LMBRD1: variants seen among roughly 807,000 people sequenced by gnomAD.
LMBRD1 encodes LMBR1 domain containing 1.
A neutral mutation model predicts 74.8 loss-of-function variants in LMBRD1; 64 were observed. The ratio of observed to expected loss-of-function variants is 0.86; its 90% CI spans 0.70 to 1.05. LMBRD1 has a LOEUF of 1.05. LMBRD1 is among the 50% of genes least tolerant of loss of function. The pLI, the probability that LMBRD1 is intolerant of heterozygous loss-of-function variation, is 0.00. For missense variants in LMBRD1, 652 were observed against 645.9 expected (o/e 1.01, Z -0.10); for synonymous variants, 204 against 216.3 (o/e 0.94, Z 0.50).
chr6:69,695,416 C>G (rs1296247978), intron 14 of LMBRD1, among the ~76,000 whole-genome samples: 1 of 152,066 alleles, frequency 6.6e-6, no homozygotes, highest in Non-Finnish European at 1.5e-5. Flanking sequence ...TCTTCTCACT[C>G]TCTACCCTCT....
At chr6:69,677,722 T>TG (rs1255096930) in intron 14 of LMBRD1, among the ~76,000 whole-genome samples, 4 of 152,106 alleles carry the variant, frequency 2.6e-5, no homozygotes, top group Non-Finnish European at 5.9e-5. Context: ...TGCTATTGAA[T>TG]GGATGACTAC....
chr6:69,766,464 G>A (rs959441507), intron 3 of LMBRD1, among the ~76,000 whole-genome samples: 2 of 151,762 alleles, frequency 1.3e-5, no homozygotes, highest in African/African-American at 4.8e-5. Flanking sequence ...AGTAATTTCT[G>A]GATATTAAAG....
intron 14 of LMBRD1, among the ~76,000 whole-genome samples, chr6:69,693,576 C>G (rs1765933751): frequency 6.6e-6 from 1 of 151,898 alleles, no homozygotes; most frequent in Admixed American, 6.6e-5. Flanking sequence ...ATAAATCATT[C>G]TCTAAAATTC....
At chr6:69,782,271 T>G (rs1039386000) in intron 2 of LMBRD1, among the ~76,000 whole-genome samples, 2 of 152,238 alleles carry the variant, frequency 1.3e-5, no homozygotes, top group Non-Finnish European at 2.9e-5. Context: ...AAATGGGCCC[T>G]TCCTTTCCCA....
chr6:69,732,047 C>T (rs1766870101), intron 7 of LMBRD1, among the ~76,000 whole-genome samples: 1 of 152,038 alleles, frequency 6.6e-6, no homozygotes. Context: ...TAACGGTGCA[C>T]CTTACAATCG....
At chr6:69,745,053 C>G (rs974193130) in intron 5 of LMBRD1, among the ~76,000 whole-genome samples, 3 of 151,894 alleles carry the variant, frequency 2.0e-5, no homozygotes, top group Non-Finnish European at 4.4e-5. Flanking sequence ...CCAGCATGGT[C>G]TCGATCTCTT....
chr6:69,692,184 C>G (rs1307319218), intron 14 of LMBRD1, among the ~76,000 whole-genome samples: 1 of 151,638 alleles, frequency 6.6e-6, no homozygotes, highest in African/African-American at 2.4e-5. Flanking sequence ...TTAGCATTTG[C>G]TAAGTTGTCT....
intron 3 of LMBRD1, among the ~76,000 whole-genome samples, chr6:69,762,600 T>A (rs964421061): frequency 6.6e-6 from 1 of 152,236 alleles, no homozygotes; most frequent in Non-Finnish European, 1.5e-5. Context: ...TACAGCCTGT[T>A]ACAGACTGAA....
chr6:69,702,052 G>C (rs1766144484), intron 9 of LMBRD1, 99 bp from the exon 10 acceptor site: 2 of 741,772 alleles, frequency 2.7e-6, no homozygotes, highest in South Asian at 1.6e-5. Flanking sequence ...ATATGACAAT[G>C]ATCTAACAAA....
At chr6:69,789,867 T>C (rs934459280) in intron 2 of LMBRD1, among the ~76,000 whole-genome samples, 5 of 152,200 alleles carry the variant, frequency 3.3e-5, no homozygotes, top group Non-Finnish European at 5.9e-5. Flanking sequence ...AGCTAGACAG[T>C]TAAGGGTCAA....
At position 69,742,142 on chromosome 6, in the gene LMBRD1, T is replaced by TA. The variant is rs148340950; in HGVS notation, c.474-266dup. 4.6e-5 allele frequency among the ~76,000 whole-genome samples: 7 copies of TA among 152,052 alleles called. No homozygotes were observed. The South Asian group carries it at 1.2e-3, about 27-fold the overall frequency. ...CTTTATTATACTTTAATAAAGCTGG[T>TA]AAAAAACAAAAAATTAATATATAAT... On this transcript the variant is annotated intron_variant, in intron 5 of 15. Transcript: ENST00000649934.
In LMBRD1 at chr6:69,686,915, T is replaced by C. The variant is rs372021062; in HGVS notation, c.1418-10374A>G. Among the ~76,000 whole-genome samples, 8 of 152,304 alleles carry C rather than the reference T, an allele frequency of 5.3e-5. No homozygotes were observed. In the South Asian group the frequency reaches 8.3e-4, roughly 16 times the overall value. The stretch of plus-strand genomic sequence containing the variant: ...AGTTTTCATGCTGCAATGGAAGAGC[T>C]GAGTGGTTATCATAGACTACTGCAT... On this transcript the variant is annotated intron_variant, in intron 14 of 15. Coordinates refer to ENST00000649934, the MANE Select transcript of LMBRD1 (RefSeq NM_018368.4).
At chr6:69,782,709 G>A (rs1371116182) in intron 2 of LMBRD1, among the ~76,000 whole-genome samples, 1 of 151,880 alleles carries the variant, frequency 6.6e-6, no homozygotes, top group Non-Finnish European at 1.5e-5. Context: ...GAGAGAGAGA[G>A]AGAAAAGACT....
At chr6:69,701,766 A>AG in intron 10 of LMBRD1, 123 bp downstream of exon 10, 1 of 744,706 alleles carries the variant, frequency 1.3e-6, no homozygotes, top group Non-Finnish European at 2.3e-6. Context: ...TTAATGCTAT[A>AG]GAACACTTCA....
At chr6:69,696,056 C>A (rs969730478) in intron 14 of LMBRD1, among the ~76,000 whole-genome samples, 1 of 152,162 alleles carries the variant, frequency 6.6e-6, no homozygotes, top group African/African-American at 2.4e-5. Context: ...GTTGGCCAGG[C>A]TGGTCTCAAA....
chr6:69,701,325 C>A, intron 11 of LMBRD1, 118 bp downstream of exon 11: 2 of 656,480 alleles, frequency 3.0e-6, no homozygotes, highest in Non-Finnish European at 2.7e-6. Context: ...ATATGTCAAA[C>A]TATTCATAGG....
chr6:69,723,284 A>G (rs1024455803), intron 7 of LMBRD1, among the ~76,000 whole-genome samples: 13 of 152,152 alleles, frequency 8.5e-5, no homozygotes, highest in African/African-American at 3.1e-4. Flanking sequence ...TCAGCAAAGA[A>G]ACATCAGACT....
chr6:69,692,271 GCGC>G (rs1765901392), intron 14 of LMBRD1, among the ~76,000 whole-genome samples: 1 of 111,490 alleles, frequency 9.0e-6, no homozygotes, highest in Non-Finnish European at 2.1e-5. Flanking sequence ...TTTTTAAGGT[GCGC>G]TCTCTCTCTC....
chr6:69,690,502 T>A (rs188746647), intron 14 of LMBRD1, among the ~76,000 whole-genome samples: 1 of 152,190 alleles, frequency 6.6e-6, no homozygotes, highest in Admixed American at 6.5e-5. Flanking sequence ...TATGAAATAT[T>A]AGATTTACAA....
Sources: gnomAD v4.1 joint callset for allele counts (sites outside exome capture counted in the v4.1 genomes callset) on GRCh38, gnomAD v4.1.1 for gene constraint, MANE v1.5 for transcripts, NCBI Gene and HGNC (gene_info 2026-07-23, HGNC 2026-07-21) for gene names.